Variants in COL25A1 observed in about 807,000 individuals in gnomAD.
COL25A1 encodes the protein collagen alpha-1(XXV) chain.
A neutral mutation model predicts 128.4 loss-of-function variants in COL25A1; 103 were observed. The ratio of observed to expected loss-of-function variants is 0.80; its 90% CI spans 0.68 to 0.94. COL25A1 has a LOEUF of 0.94. COL25A1 is among the 40% of genes least tolerant of loss of function. The pLI is 0.00. For missense variants in COL25A1, 745 were observed against 840.0 expected (o/e 0.89, Z 1.40); for synonymous variants, 279 against 277.2 (o/e 1.01, Z -0.06).
At chr4:108,991,468 C>T (rs1438782943) in intron 6 of COL25A1, among the ~76,000 whole-genome samples, 2 of 152,074 alleles carry the variant, frequency 1.3e-5, no homozygotes, top group Non-Finnish European at 2.9e-5. Context: ...TAACCATCTG[C>T]TTCATAAAAC....
At chr4:109,150,581 A>G (rs1348831941) in intron 3 of COL25A1, among the ~76,000 whole-genome samples, 1 of 152,206 alleles carries the variant, frequency 6.6e-6, no homozygotes, top group African/African-American at 2.4e-5. Context: ...AATAATTATC[A>G]TTAATATAAT....
intron 5 of COL25A1, 54 bp downstream of exon 5, chr4:109,048,114 A>G: frequency 6.3e-7 from 1 of 1,585,998 alleles, no homozygotes; most frequent in South Asian, 1.1e-5. Flanking sequence ...CAAAGTTTTA[A>G]CATACACAAT....
At chr4:109,260,783 A>G (rs1256672514) in intron 3 of COL25A1, among the ~76,000 whole-genome samples, 3 of 152,192 alleles carry the variant, frequency 2.0e-5, no homozygotes, top group African/African-American at 7.2e-5. Context: ...GGCGTGAGCC[A>G]CCACACCTGG....
At chr4:108,876,265 G>C (rs996765975) in intron 19 of COL25A1, among the ~76,000 whole-genome samples, 13 of 151,440 alleles carry the variant, frequency 8.6e-5, no homozygotes, top group Non-Finnish European at 1.0e-4. Flanking sequence ...AAAGAAGGAA[G>C]AAAAGGATGA....
chr4:108,894,548 C>T (rs971735870), intron 16 of COL25A1, among the ~76,000 whole-genome samples: 1 of 151,990 alleles, frequency 6.6e-6, no homozygotes, highest in Non-Finnish European at 1.5e-5. Flanking sequence ...TTTCAGTGTC[C>T]AGAAATAAAG....
At chr4:109,039,918 G>A (rs1300740565) in intron 5 of COL25A1, among the ~76,000 whole-genome samples, 2 of 152,068 alleles carry the variant, frequency 1.3e-5, no homozygotes, top group African/African-American at 4.8e-5. Flanking sequence ...TTAAGCAGAA[G>A]TAAGAACTAG....
At chr4:109,236,253 T>A (rs1464092683) in intron 3 of COL25A1, among the ~76,000 whole-genome samples, 5 of 152,108 alleles carry the variant, frequency 3.3e-5, no homozygotes, top group Non-Finnish European at 7.4e-5. Flanking sequence ...TTTAAAACAT[T>A]TAATTTATAA....
chr4:109,233,988 T>G (rs1278524374), intron 3 of COL25A1, among the ~76,000 whole-genome samples: 1 of 152,146 alleles, frequency 6.6e-6, no homozygotes, highest in Non-Finnish European at 1.5e-5. Context: ...GCTTCAAATA[T>G]TCTGCTTTCC....
chr4:108,814,804 G>A (rs1369691559), intron 37 of COL25A1, among the ~76,000 whole-genome samples: 2 of 150,718 alleles, frequency 1.3e-5, no homozygotes, highest in African/African-American at 5.0e-5. Context: ...TGTGGCAGTC[G>A]TATAAATCAC....
rs557818125 is a variant in COL25A1 at position 109,133,901 on chromosome 4, CTG to C, written c.368-83724_368-83723del. Among the ~76,000 whole-genome samples the C allele has an allele frequency of 1.4e-4, 21 of 152,216 alleles. No individual in the cohort carries two copies. In the South Asian group the frequency reaches 4.4e-3, roughly 32 times the overall value. On this transcript the variant is annotated intron_variant, in intron 3 of 37. Coordinates refer to ENST00000399132, the MANE Select transcript of COL25A1 (RefSeq NM_198721.4). ...AGATAGAAAAGAACAGATAATAAAA[CTG>C]AAATATGGCAAGTATACTGATTGAG...
chr4:109,028,703 C>T (rs1321353380), intron 5 of COL25A1, among the ~76,000 whole-genome samples: 35 of 150,750 alleles, frequency 2.3e-4, no homozygotes, highest in Admixed American at 5.3e-4. Flanking sequence ...TCCAGCCTGG[C>T]GACAGAGCGG....
intron 3 of COL25A1, among the ~76,000 whole-genome samples, chr4:109,195,499 G>T (rs903350615): frequency 2.0e-5 from 3 of 152,096 alleles, no homozygotes; most frequent in African/African-American, 7.2e-5. Context: ...AGTAGGATGT[G>T]CCTGGACATA....
At chr4:109,124,466 T>C (rs945480375) in intron 3 of COL25A1, among the ~76,000 whole-genome samples, 3 of 152,062 alleles carry the variant, frequency 2.0e-5, no homozygotes, top group Admixed American at 1.3e-4. Context: ...CACAAAATTT[T>C]AATTTTATTT....
chr4:109,230,742 G>A (rs1779108306), intron 3 of COL25A1, among the ~76,000 whole-genome samples: 1 of 152,188 alleles, frequency 6.6e-6, no homozygotes, highest in Admixed American at 6.5e-5. Flanking sequence ...GCGGTACAGA[G>A]AAGAAATGGA....
At chr4:109,127,924 A>G (rs543027007) in intron 3 of COL25A1, among the ~76,000 whole-genome samples, 2 of 152,288 alleles carry the variant, frequency 1.3e-5, no homozygotes, top group South Asian at 4.1e-4. Context: ...TAAATTTTCA[A>G]AACTAATGAG....
intron 5 of COL25A1, among the ~76,000 whole-genome samples, chr4:109,024,031 C>T (rs896615600): frequency 3.3e-5 from 5 of 152,190 alleles, no homozygotes; most frequent in Admixed American, 3.3e-4. Flanking sequence ...ACCCATACAA[C>T]TATCCTGTTT....
chr4:109,268,542 T>C (rs4512071), intron 3 of COL25A1, among the ~76,000 whole-genome samples: 39,535 of 152,124 alleles, frequency 0.26, 5,510 homozygotes, highest in Middle Eastern at 0.3. Context: ...TCCTGTACAA[T>C]GAACCTGTGT....
chr4:109,162,341 A>C (rs1772657167), intron 3 of COL25A1, among the ~76,000 whole-genome samples: 1 of 152,210 alleles, frequency 6.6e-6, no homozygotes, highest in Non-Finnish European at 1.5e-5. Context: ...GAGCAGGCAG[A>C]TCATACTGGA....
chr4:109,052,115 T>C (rs895699977), intron 3 of COL25A1, among the ~76,000 whole-genome samples: 4 of 152,204 alleles, frequency 2.6e-5, no homozygotes, highest in Non-Finnish European at 5.9e-5. Context: ...AGAATGTGTC[T>C]TTCAACAGTG....
Sources: gnomAD v4.1 joint callset for allele counts (sites outside exome capture counted in the v4.1 genomes callset) on GRCh38, gnomAD v4.1.1 for gene constraint, MANE v1.5 for transcripts, NCBI Gene and HGNC (gene_info 2026-07-23, HGNC 2026-07-21) for gene names.